The following SHC3 variants were observed in gnomAD, a reference collection of about 807,000 sequenced individuals.
SHC3 encodes the protein SHC-transforming protein 3.
SHC3 carries 15 observed loss-of-function variants against 60.4 expected under a neutral mutation model. The observed-to-expected ratio is 0.25, with a 90% CI of 0.17 to 0.38. SHC3 has a LOEUF of 0.38. Among genes scored for constraint, SHC3 ranks in the 10% least tolerant of loss-of-function variants. SHC3 has a pLI of 1.00. For missense variants in SHC3, 677 were observed against 786.1 expected (o/e 0.86, Z 1.66); for synonymous variants, 294 against 325.9 (o/e 0.90, Z 1.05).
At chr9:89,136,476 A>G (rs999477084) in intron 1 of SHC3, among the ~76,000 whole-genome samples, 17 of 152,180 alleles carry the variant, frequency 1.1e-4, no homozygotes, top group African/African-American at 4.1e-4. Context: ...CCTCACTGCT[A>G]CATTCCCACC....
intron 7 of SHC3, among the ~76,000 whole-genome samples, chr9:89,051,248 T>C (rs560996260): frequency 2.6e-5 from 4 of 152,258 alleles, no homozygotes; most frequent in African/African-American, 9.6e-5. Flanking sequence ...GATCACAACA[T>C]TAGAATAGAT....
At chr9:89,048,451 G>T (rs1196268110) in intron 7 of SHC3, among the ~76,000 whole-genome samples, 1 of 152,118 alleles carries the variant, frequency 6.6e-6, no homozygotes, top group Non-Finnish European at 1.5e-5. Context: ...TATATGAAAT[G>T]TCCAGAATGG....
At chr9:89,053,901 C>G (rs1199303752) in intron 6 of SHC3, among the ~76,000 whole-genome samples, 2 of 152,194 alleles carry the variant, frequency 1.3e-5, no homozygotes, top group African/African-American at 2.4e-5. Flanking sequence ...TGAGACACCT[C>G]GTTCCCCTGA....
chr9:89,079,117 A>G (rs1356632604), intron 2 of SHC3, among the ~76,000 whole-genome samples: 2 of 152,228 alleles, frequency 1.3e-5, no homozygotes, highest in African/African-American at 4.8e-5. Flanking sequence ...ACCGTAGGCA[A>G]TGAATCATCA....
At chr9:89,112,650 C>G (rs376604852) in intron 1 of SHC3, 24 bp from the exon 2 acceptor site, 2 of 1,572,520 alleles carry the variant, frequency 1.3e-6, no homozygotes, top group Non-Finnish European at 1.7e-6. Context: ...AAATGTAAAT[C>G]GTGAGCCCTG....
Position 89,012,525 on chromosome 9 carries a change from GGC to G in SHC3, c.*920_*921del, listed in dbSNP as rs1200063876. On this transcript the variant is annotated 3_prime_UTR_variant, in exon 12 of 12. Transcript: ENST00000375835. ...GGCTTCTCCCCTATTGTATAAGGCG[GGC>G]GGGGGACTTTACTAGCAATTACCAT... 6.6e-6 allele frequency: 1 copy of G among 152,082 alleles called. No homozygotes were observed. Among genetic ancestry groups the G allele is most frequent in the African/African-American group, 2.4e-5 (1 of 41,398 alleles). The allele number at this position is 152,082 out of a possible 1,614,324, so 9.4% of individuals were successfully genotyped here. A position where few individuals can be genotyped will look rare whatever the true frequency, so the allele number is the denominator to read the frequency against.
intron 1 of SHC3, among the ~76,000 whole-genome samples, chr9:89,154,557 A>G (rs955958973): frequency 2.0e-5 from 3 of 152,236 alleles, no homozygotes; most frequent in Non-Finnish European, 4.4e-5. Flanking sequence ...CATACATTAC[A>G]TCAGGCAAGA....
chr9:89,050,869 C>A (rs925479973), intron 7 of SHC3, among the ~76,000 whole-genome samples: 1 of 151,864 alleles, frequency 6.6e-6, no homozygotes, highest in Non-Finnish European at 1.5e-5. Flanking sequence ...CTATACACAT[C>A]CTCCTGTCCC....
intron 1 of SHC3, among the ~76,000 whole-genome samples, chr9:89,152,420 A>G (rs970670660): frequency 4.6e-5 from 7 of 152,238 alleles, no homozygotes; most frequent in Admixed American, 2.6e-4. Flanking sequence ...TACGTTTTCA[A>G]AATCCTTCAG....
intron 1 of SHC3, among the ~76,000 whole-genome samples, chr9:89,169,142 T>C (rs1826833244): frequency 6.6e-6 from 1 of 152,176 alleles, no homozygotes; most frequent in Non-Finnish European, 1.5e-5. Flanking sequence ...CCCTGACTAA[T>C]ACTATTAAAA....
intron 1 of SHC3, among the ~76,000 whole-genome samples, chr9:89,127,130 G>A (rs932749849): frequency 6.6e-6 from 1 of 152,190 alleles, no homozygotes; most frequent in African/African-American, 2.4e-5. Flanking sequence ...TCTTTTCAAA[G>A]TGGTGGCCTG....
chr9:89,098,639 T>A (rs1825739315), intron 2 of SHC3, among the ~76,000 whole-genome samples: 1 of 152,114 alleles, frequency 6.6e-6, no homozygotes, highest in South Asian at 2.1e-4. Flanking sequence ...TGAAACCCGG[T>A]CTCTACTAAA....
chr9:89,024,377 A>C (rs938920218), intron 11 of SHC3, among the ~76,000 whole-genome samples: 2 of 152,200 alleles, frequency 1.3e-5, no homozygotes, highest in African/African-American at 2.4e-5. Flanking sequence ...CCCTGGGCTC[A>C]AGCCATCCTC....
Position 89,015,438 on chromosome 9 carries a change from CT to C in SHC3, c.1657-1864del, listed in dbSNP as rs1411884602. ...GGCCCCAGGCCAATTCCATAAGGAG[CT>C]CAGGGTGGGGCCTGGACACCAAGTG... On this transcript the variant is annotated intron_variant, in intron 11 of 11. Transcript: ENST00000375835. Among the ~76,000 whole-genome samples, 14 of 152,208 alleles carry C rather than the reference CT, an allele frequency of 9.2e-5. 1 individual carries two copies. The highest frequency in any genetic ancestry group is 1.9e-4 in the Non-Finnish European group (13 of 68,036).
intron 11 of SHC3, among the ~76,000 whole-genome samples, chr9:89,025,768 A>C (rs916852480): frequency 3.3e-5 from 5 of 152,216 alleles, no homozygotes; most frequent in African/African-American, 1.2e-4. Flanking sequence ...GAAAGAGATT[A>C]AAGTATTTTA....
intron 2 of SHC3, among the ~76,000 whole-genome samples, chr9:89,090,771 G>T (rs1233307675): frequency 1.3e-5 from 2 of 152,210 alleles, no homozygotes; most frequent in African/African-American, 4.8e-5. Context: ...AACATGGGTG[G>T]TATCATGAAT....
intron 2 of SHC3, chr9:89,109,964 C>G: frequency 1.0e-6 from 1 of 985,402 alleles, no homozygotes; most frequent in Non-Finnish European, 1.2e-6. Flanking sequence ...TATACCTATG[C>G]CTCATTGTTT....
chr9:89,136,604 C>G (rs1194410059), intron 1 of SHC3, among the ~76,000 whole-genome samples: 1 of 152,220 alleles, frequency 6.6e-6, no homozygotes, highest in Non-Finnish European at 1.5e-5. Flanking sequence ...CATGAATAAT[C>G]TATGCCTTGT....
At chr9:89,160,197 A>G (rs975480493) in intron 1 of SHC3, among the ~76,000 whole-genome samples, 3 of 152,162 alleles carry the variant, frequency 2.0e-5, no homozygotes, top group Non-Finnish European at 4.4e-5. Flanking sequence ...CTTCAGTGGC[A>G]CATCTTCCCC....
Sources: allele counts gnomAD v4.1 joint callset (sites outside exome capture counted in the v4.1 genomes callset), GRCh38; gene constraint gnomAD v4.1.1; transcripts MANE v1.5; gene names NCBI Gene and HGNC (gene_info 2026-07-23, HGNC 2026-07-21).